TXLNB: variants seen among roughly 807,000 people sequenced by gnomAD.
The protein encoded by TXLNB is beta-taxilin.
In TXLNB, 37 loss-of-function variants were observed where a neutral mutation model predicts 57.4. The observed-to-expected ratio is 0.64, with a 90% CI of 0.50 to 0.85. TXLNB has a LOEUF of 0.85. TXLNB is among the 40% of genes least tolerant of loss of function. The pLI is 0.00. For synonymous variants in TXLNB, 302 were observed against 309.6 expected, an observed-to-expected ratio of 0.98 and a Z score of 0.26; for missense variants, 848 against 825.6, an observed-to-expected ratio of 1.03 and a Z score of -0.33.
At chr6:139,164,481 A>C in the TXLNB span, among the ~76,000 whole-genome samples, 1 of 152,112 alleles carries the variant, frequency 6.6e-6, no homozygotes, top group Non-Finnish European at 1.5e-5. Flanking sequence ...AGTGCATTAC[A>C]GGAAGAGAAT....
intron 7 of TXLNB, among the ~76,000 whole-genome samples, chr6:139,250,966 G>A (rs1028323396): frequency 5.9e-5 from 9 of 152,104 alleles, no homozygotes; most frequent in Non-Finnish European, 1.3e-4. Flanking sequence ...TCAAAGTAAA[G>A]GCTTTAAAAA....
upstream of TXLNB, among the ~76,000 whole-genome samples, chr6:139,296,431 A>AT (rs150489590): frequency 2.6e-5 from 4 of 151,984 alleles, no homozygotes; most frequent in Non-Finnish European, 5.9e-5. Context: ...GATATGATCC[A>AT]TTTTTTTTCC....
At chr6:139,271,005 A>G (rs183237205) in intron 3 of TXLNB, among the ~76,000 whole-genome samples, 1 of 152,308 alleles carries the variant, frequency 6.6e-6, no homozygotes, top group East Asian at 1.9e-4. Flanking sequence ...GCAATGATCT[A>G]AAGTCTGTCT....
the TXLNB span, among the ~76,000 whole-genome samples, chr6:139,232,232 G>C: frequency 1.9e-3 from 292 of 152,286 alleles, no homozygotes; most frequent in African/African-American, 6.6e-3. Flanking sequence ...GAGAGAGCTT[G>C]TATGAAGGAG....
the TXLNB span, among the ~76,000 whole-genome samples, chr6:139,321,029 C>T: frequency 6.6e-6 from 1 of 152,184 alleles, no homozygotes; most frequent in African/African-American, 2.4e-5. Flanking sequence ...CACCTGCTTG[C>T]TAGGCCTGAA....
At chr6:139,298,208 A>G in the TXLNB span, among the ~76,000 whole-genome samples, 12 of 152,338 alleles carry the variant, frequency 7.9e-5, no homozygotes, top group African/African-American at 2.9e-4. Context: ...AAATAGTTTG[A>G]AATTTGTATA....
chr6:139,239,134 A>G (rs1775870240), downstream of TXLNB: 1 of 152,214 alleles, frequency 6.6e-6, no homozygotes, highest in Non-Finnish European at 1.5e-5. The surrounding 1 kb of genome is among the most constrained non-coding windows in gnomAD (Gnocchi z 4.7). Context: ...CACGCTAGGA[A>G]ATGTGGTGTT....
At chr6:139,175,560 A>C in the TXLNB span, among the ~76,000 whole-genome samples, 1 of 152,182 alleles carries the variant, frequency 6.6e-6, no homozygotes, top group Non-Finnish European at 1.5e-5. Flanking sequence ...AAATTGAAGA[A>C]ATAAGGAAGT....
chr6:139,181,734 A>G, the TXLNB span, among the ~76,000 whole-genome samples: 1 of 152,296 alleles, frequency 6.6e-6, no homozygotes, highest in African/African-American at 2.4e-5. Flanking sequence ...CAAATCAACA[A>G]CTGGTCTGCT....
intron 2 of TXLNB, among the ~76,000 whole-genome samples, chr6:139,281,441 C>G (rs1583025736): frequency 6.6e-6 from 1 of 151,138 alleles, no homozygotes; most frequent in East Asian, 1.9e-4. Flanking sequence ...ATTTTGTTCC[C>G]TTTGGCTGAC....
At chr6:139,232,407 G>C in the TXLNB span, among the ~76,000 whole-genome samples, 1,377 of 152,274 alleles carry the variant, frequency 9.0e-3, 10 homozygotes, top group Non-Finnish European at 0.014. Context: ...TGGGGACACA[G>C]AGCCAAACCA....
At chr6:139,203,892 A>G in the TXLNB span, among the ~76,000 whole-genome samples, 1 of 152,208 alleles carries the variant, frequency 6.6e-6, no homozygotes, top group Non-Finnish European at 1.5e-5. Context: ...AGAGGAAAAA[A>G]AATTCATCGG....
At chr6:139,258,555 G>A (rs989908220) in intron 6 of TXLNB, among the ~76,000 whole-genome samples, 9 of 152,184 alleles carry the variant, frequency 5.9e-5, no homozygotes, top group East Asian at 3.8e-4. Flanking sequence ...ACCAGATTAT[G>A]TTGCTCAAAA....
At chr6:139,282,277 G>A (rs9495413) in intron 2 of TXLNB, among the ~76,000 whole-genome samples, 39,452 of 130,464 alleles carry the variant, frequency 0.3, 8,787 homozygotes, top group African/African-American at 0.54. Context: ...TGACCGGACC[G>A]TTCAAAGGAA....
At chr6:139,174,410 G>C in the TXLNB span, 3 of 1,613,796 alleles carry the variant, frequency 1.9e-6, no homozygotes, top group African/African-American at 2.7e-5. Context: ...TGTATGCCGT[G>C]TGCGTGGACT....
At chr6:139,217,435 T>C in the TXLNB span, among the ~76,000 whole-genome samples, 4 of 152,202 alleles carry the variant, frequency 2.6e-5, no homozygotes, top group Non-Finnish European at 5.9e-5. Flanking sequence ...AAATAAGAGC[T>C]AATGTAAATA....
chr6:139,179,655 A>G, the TXLNB span: 1 of 152,248 alleles, frequency 6.6e-6, no homozygotes, highest in Non-Finnish European at 1.5e-5. Context: ...AATAAAATAT[A>G]ATCGAATATT....
chr6:139,317,644 G>A, the TXLNB span, among the ~76,000 whole-genome samples: 2 of 151,982 alleles, frequency 1.3e-5, no homozygotes, highest in African/African-American at 4.8e-5. Context: ...TCCCGCCTCG[G>A]CCTCCCAAAG....
At chr6:139,321,216 T>C in the TXLNB span, among the ~76,000 whole-genome samples, 1 of 152,182 alleles carries the variant, frequency 6.6e-6, no homozygotes, top group African/African-American at 2.4e-5. Context: ...GTGTTGTAAT[T>C]CTAACCCCCA....
Sources: gnomAD v4.1 joint callset for allele counts (sites outside exome capture counted in the v4.1 genomes callset) on GRCh38, gnomAD v4.1.1 for gene constraint, Gnocchi (gnomAD v3.1) non-coding constraint, MANE v1.5 for transcripts, NCBI Gene and HGNC (gene_info 2026-07-23, HGNC 2026-07-21) for gene names.